Variants in RABGAP1L observed in about 807,000 individuals in gnomAD.
RABGAP1L encodes RAB GTPase activating protein 1 like.
In RABGAP1L, 63 loss-of-function variants were observed where a neutral mutation model predicts 137.7. The observed-to-expected ratio is 0.46, with a 90% CI of 0.37 to 0.56. RABGAP1L has a LOEUF of 0.56. RABGAP1L is among the 20% of genes least tolerant of loss of function. The pLI, the probability that RABGAP1L is intolerant of heterozygous loss-of-function variation, is 0.00. For synonymous variants in RABGAP1L, 431 were observed against 433.7 expected, an observed-to-expected ratio of 0.99 and a Z score of 0.08; for missense variants, 1,095 against 1,244.0, an observed-to-expected ratio of 0.88 and a Z score of 1.80.
intron 7 of RABGAP1L, among the ~76,000 whole-genome samples, chr1:174,267,130 A>G (rs924133874): frequency 6.6e-6 from 1 of 152,206 alleles, no homozygotes; most frequent in Non-Finnish European, 1.5e-5. Context: ...TTTTGCTAGC[A>G]TGTCAGCCAA....
intron 13 of RABGAP1L, among the ~76,000 whole-genome samples, chr1:174,585,589 T>C (rs1197308141): frequency 1.3e-5 from 2 of 152,216 alleles, no homozygotes; most frequent in Non-Finnish European, 2.9e-5. Context: ...TTATGAGTAC[T>C]TCAGTGGTTT....
At chr1:174,887,090 C>G (rs1655288430) in intron 19 of RABGAP1L, among the ~76,000 whole-genome samples, 1 of 152,178 alleles carries the variant, frequency 6.6e-6, no homozygotes, top group Non-Finnish European at 1.5e-5. Context: ...TAGGCGCGAG[C>G]CACCACGCCT....
intron 13 of RABGAP1L, among the ~76,000 whole-genome samples, chr1:174,462,149 A>G (rs1401650669): frequency 2.0e-5 from 3 of 152,088 alleles, no homozygotes; most frequent in Non-Finnish European, 4.4e-5. Flanking sequence ...TACTTCTTTT[A>G]ATGGTGCTCA....
chr1:174,792,348 A>G (rs1266933463), intron 18 of RABGAP1L, among the ~76,000 whole-genome samples: 1 of 152,230 alleles, frequency 6.6e-6, no homozygotes, highest in African/African-American at 2.4e-5. Context: ...AATAGTCTAG[A>G]ATGGTCCAGA....
intron 13 of RABGAP1L, among the ~76,000 whole-genome samples, chr1:174,522,279 T>C (rs1188297944): frequency 6.6e-6 from 1 of 152,138 alleles, no homozygotes; most frequent in African/African-American, 2.4e-5. Context: ...CTTGCATTGC[T>C]ATAAAGAAAT....
chr1:174,533,144 G>C (rs1233044224), intron 13 of RABGAP1L, among the ~76,000 whole-genome samples: 1 of 152,230 alleles, frequency 6.6e-6, no homozygotes, highest in Admixed American at 6.5e-5. Context: ...TGAGGCAGGA[G>C]AATCGCTTGA....
At chr1:174,848,518 G>T (rs1032579866) in intron 19 of RABGAP1L, among the ~76,000 whole-genome samples, 1 of 149,390 alleles carries the variant, frequency 6.7e-6, no homozygotes, top group Non-Finnish European at 1.5e-5. Context: ...CTGCTGGGGG[G>T]TGCCTCCCAG....
intron 13 of RABGAP1L, among the ~76,000 whole-genome samples, chr1:174,541,211 A>G (rs1665394474): frequency 6.6e-6 from 1 of 152,188 alleles, no homozygotes; most frequent in South Asian, 2.1e-4. Context: ...GGGGTTTTCT[A>G]AATATACAAT....
At position 174,394,005 on chromosome 1, in the gene RABGAP1L, C is replaced by A. The variant is rs749985086; in HGVS notation, c.1570C>A (p.Leu524Ile). The A allele has an allele frequency of 1.9e-6, 3 of 1,612,768 alleles. No homozygotes were observed. The highest frequency in any genetic ancestry group is 2.5e-6 in the Non-Finnish European group (3 of 1,179,438). Residue 524 changes from leucine to isoleucine, a missense_variant, in exon 13 of 26, where the codon CTT (leucine) becomes ATT (isoleucine). Physicochemically the swap from Leu to Ile is conservative, Grantham distance 5. This residue lies in a region of RABGAP1L where 315 missense variants were observed against 324.8 expected (regional missense o/e 0.97). Coordinates refer to ENST00000681986, the MANE Select transcript of RABGAP1L (RefSeq NM_001366446.1). ...TTCTTGTCTTCTCAGGCACAGTAAC[C>A]TTGGTGCACGACCGAAAGGGCTGTC... ...GELLGKWHSN[L>I]GARPKGLSTL...
At chr1:174,227,856 T>G (rs925176630) in intron 3 of RABGAP1L, among the ~76,000 whole-genome samples, 3 of 151,898 alleles carry the variant, frequency 2.0e-5, no homozygotes, top group Non-Finnish European at 4.4e-5. Flanking sequence ...ACTGTGGTTT[T>G]TTTTTTTTTT....
intron 1 of RABGAP1L, among the ~76,000 whole-genome samples, chr1:174,171,414 T>TA (rs1436013952): frequency 6.6e-6 from 1 of 152,138 alleles, no homozygotes; most frequent in Non-Finnish European, 1.5e-5. Flanking sequence ...GATACACAGA[T>TA]ACAAAATCAT....
intron 17 of RABGAP1L, among the ~76,000 whole-genome samples, chr1:174,712,420 A>G (rs1341979912): frequency 6.6e-6 from 1 of 152,066 alleles, no homozygotes; most frequent in African/African-American, 2.4e-5. Context: ...CAGACGCGCC[A>G]CCTTTAAGAA....
intron 11 of RABGAP1L, among the ~76,000 whole-genome samples, chr1:174,343,633 T>C (rs1288560105): frequency 6.6e-6 from 1 of 152,200 alleles, no homozygotes; most frequent in Non-Finnish European, 1.5e-5. Flanking sequence ...GAGATTTAAT[T>C]TGACAATACC....
intron 15 of RABGAP1L, among the ~76,000 whole-genome samples, chr1:174,693,093 T>C (rs1678992233): frequency 6.6e-6 from 1 of 152,180 alleles, no homozygotes; most frequent in African/African-American, 2.4e-5. Context: ...GATTATACCT[T>C]TATACAAAAG....
chr1:174,890,152 C>T (rs1195464902), intron 19 of RABGAP1L, among the ~76,000 whole-genome samples: 2 of 152,190 alleles, frequency 1.3e-5, no homozygotes, highest in African/African-American at 4.8e-5. Context: ...GTGCATAGCA[C>T]TGTGTTAAGC....
At chr1:174,566,536 T>C (rs1667600378) in intron 13 of RABGAP1L, among the ~76,000 whole-genome samples, 1 of 152,192 alleles carries the variant, frequency 6.6e-6, no homozygotes, top group Non-Finnish European at 1.5e-5. Flanking sequence ...TTTCAGTGTA[T>C]ACTTACAGAG....
chr1:174,691,721 G>C (rs1678887902), intron 15 of RABGAP1L, among the ~76,000 whole-genome samples: 1 of 152,010 alleles, frequency 6.6e-6, no homozygotes, highest in South Asian at 2.1e-4. Context: ...GTTCAATTAT[G>C]TATTTTTATT....
chr1:174,682,337 CACAT>C (rs1425624805), intron 14 of RABGAP1L, among the ~76,000 whole-genome samples: 1 of 151,542 alleles, frequency 6.6e-6, no homozygotes, highest in African/African-American at 2.4e-5. Flanking sequence ...CACACACACA[CACAT>C]ACATCACAAC....
At chr1:174,507,150 A>G (rs936565581) in intron 13 of RABGAP1L, among the ~76,000 whole-genome samples, 5 of 152,254 alleles carry the variant, frequency 3.3e-5, no homozygotes, top group Non-Finnish European at 7.3e-5. Flanking sequence ...TAAATTGACA[A>G]TGTTCACCTA....
Sources: allele counts gnomAD v4.1 joint callset (sites outside exome capture counted in the v4.1 genomes callset), GRCh38; gene constraint gnomAD v4.1.1; regional missense constraint gnomAD v4.1.1; transcripts MANE v1.5; gene names NCBI Gene and HGNC (gene_info 2026-07-23, HGNC 2026-07-21).